Variants in KCNH8 observed in about 807,000 individuals in gnomAD.
The protein encoded by KCNH8 is potassium voltage-gated channel subfamily H member 8.
A neutral mutation model predicts 103.6 loss-of-function variants in KCNH8; 70 were observed. The ratio of observed to expected loss-of-function variants is 0.68; its 90% CI spans 0.56 to 0.82. The LOEUF (loss-of-function observed/expected upper bound fraction) is 0.82. KCNH8 is among the 40% of genes least tolerant of loss of function. KCNH8 has a pLI of 0.00. For synonymous variants in KCNH8, 498 were observed against 489.4 expected (o/e 1.02, Z -0.23); for missense variants, 1,217 against 1,329.9 (o/e 0.92, Z 1.32).
intron 1 of KCNH8, among the ~76,000 whole-genome samples, chr3:19,219,758 C>G (rs1435823747): frequency 6.6e-6 from 1 of 152,094 alleles, no homozygotes; most frequent in Non-Finnish European, 1.5e-5. Context: ...CCAAGCTCTT[C>G]CAGAGATGAG....
intron 5 of KCNH8, among the ~76,000 whole-genome samples, chr3:19,358,375 C>T (rs2065908117): frequency 6.6e-6 from 1 of 150,996 alleles, no homozygotes; most frequent in Non-Finnish European, 1.5e-5. Flanking sequence ...GGAAAGGGTA[C>T]ACAATGAAGA....
intron 5 of KCNH8, among the ~76,000 whole-genome samples, chr3:19,388,889 AC>A (rs2066395224): frequency 6.6e-6 from 1 of 152,140 alleles, no homozygotes; most frequent in Non-Finnish European, 1.5e-5. Flanking sequence ...AGGGCAAGTC[AC>A]TTGACTTCCT....
chr3:19,149,427 TTGA>T (rs538110187), intron 1 of KCNH8, among the ~76,000 whole-genome samples: 241 of 152,198 alleles, frequency 1.6e-3, no homozygotes, highest in Non-Finnish European at 2.9e-3. Flanking sequence ...TAAAGACGAT[TTGA>T]TGATAAGAGA....
intron 11 of KCNH8, among the ~76,000 whole-genome samples, chr3:19,489,736 C>T (rs1370151856): frequency 1.3e-5 from 2 of 152,092 alleles, no homozygotes; most frequent in African/African-American, 4.8e-5. Context: ...CACCACAAAA[C>T]AAAGAACAGG....
chr3:19,207,080 T>G (rs186494023), intron 1 of KCNH8, among the ~76,000 whole-genome samples: 191 of 151,816 alleles, frequency 1.3e-3, no homozygotes, highest in South Asian at 2.3e-3. Flanking sequence ...GATTTGGGTG[T>G]TGTTAGTAAA....
chr3:19,496,012 G>A (rs141665093), intron 11 of KCNH8, among the ~76,000 whole-genome samples: 15 of 152,004 alleles, frequency 9.9e-5, no homozygotes, highest in Admixed American at 3.9e-4. Flanking sequence ...GATATTGTTC[G>A]TATACAGGAA....
intron 1 of KCNH8, among the ~76,000 whole-genome samples, chr3:19,160,989 G>T (rs957130092): frequency 2.0e-5 from 3 of 152,110 alleles, no homozygotes; most frequent in Non-Finnish European, 4.4e-5. Flanking sequence ...AAAAGTGAAA[G>T]TGCTTCCTTT....
chr3:19,358,414 C>G lies in KCNH8; in HGVS notation c.811+10449C>G, dbSNP rs560829837. 2.0e-5 allele frequency among the ~76,000 whole-genome samples: 3 copies of G among 151,740 alleles called. No individual in the cohort carries two copies. In the East Asian group the frequency reaches 5.8e-4, roughly 29 times the overall value. On this transcript the variant is annotated intron_variant, in intron 5 of 15. Transcript: ENST00000328405. Reference sequence around the variant, plus strand: ...TTTCACAAAAAATAAAACTATTGTACCACCCACAGATTCTCACTGAAAGAA... The same window carrying G: ...TTTCACAAAAAATAAAACTATTGTAGCACCCACAGATTCTCACTGAAAGAA...
chr3:19,456,862 G>C lies in KCNH8; in HGVS notation c.1920G>C (p.Gln640His), dbSNP rs2067540898. ...AGGCTTTAACCTACTGTGATCTCCAGTGTATCATCCTCAAAGGACTCTTTG... is the reference window on the plus strand; with the variant it reads ...AGGCTTTAACCTACTGTGATCTCCACTGTATCATCCTCAAAGGACTCTTTG... ...DVKALTYCDL[Q>H]CIILKGLFEV... The change falls in exon 11 of 16, where the codon CAG becomes CAC. Residue 640 changes from glutamine to histidine, a missense_variant. Coordinates refer to ENST00000328405, the MANE Select transcript of KCNH8 (RefSeq NM_144633.3). 1 of 1,612,342 alleles carries C rather than the reference G, an allele frequency of 6.2e-7. No individual in the cohort carries two copies.
intron 11 of KCNH8, among the ~76,000 whole-genome samples, chr3:19,482,065 G>C (rs935374650): frequency 6.6e-6 from 1 of 152,180 alleles, no homozygotes; most frequent in African/African-American, 2.4e-5. Flanking sequence ...ACAACTCTAA[G>C]GGTGTCCATG....
intron 5 of KCNH8, among the ~76,000 whole-genome samples, chr3:19,369,223 T>C (rs903786313): frequency 6.6e-6 from 1 of 152,036 alleles, no homozygotes; most frequent in Non-Finnish European, 1.5e-5. Context: ...CAGTCACTTG[T>C]AGACTGTAGC....
chr3:19,503,628 G>C (rs1413166289), intron 11 of KCNH8, among the ~76,000 whole-genome samples: 1 of 152,058 alleles, frequency 6.6e-6, no homozygotes, highest in East Asian at 1.9e-4. Context: ...GTCCTTTGTA[G>C]GGACATGGAT....
At chr3:19,499,432 A>G (rs896900032) in intron 11 of KCNH8, among the ~76,000 whole-genome samples, 6 of 152,182 alleles carry the variant, frequency 3.9e-5, no homozygotes, top group Admixed American at 1.3e-4. Context: ...TTCAGGAAAT[A>G]CAGAGAACAC....
chr3:19,376,428 A>G (rs1388143152), intron 5 of KCNH8, among the ~76,000 whole-genome samples: 3 of 152,136 alleles, frequency 2.0e-5, no homozygotes, highest in Admixed American at 6.5e-5. Flanking sequence ...GCGCTTCCCG[A>G]GTGAGGCAAT....
intron 11 of KCNH8, among the ~76,000 whole-genome samples, chr3:19,462,094 A>G (rs1002627673): frequency 1.3e-5 from 2 of 152,216 alleles, no homozygotes; most frequent in African/African-American, 4.8e-5. Flanking sequence ...TAGTGCCACA[A>G]TAAACATATG....
At chr3:19,170,515 A>T (rs994270323) in intron 1 of KCNH8, among the ~76,000 whole-genome samples, 1 of 150,476 alleles carries the variant, frequency 6.6e-6, no homozygotes, top group Non-Finnish European at 1.5e-5. Context: ...TCCTCCTTAC[A>T]CAGGCTTAAG....
At chr3:19,231,810 C>T (rs1007363279) in intron 1 of KCNH8, among the ~76,000 whole-genome samples, 1 of 152,198 alleles carries the variant, frequency 6.6e-6, no homozygotes, top group Non-Finnish European at 1.5e-5. Context: ...ATGCTACTCA[C>T]TCTCAGCTTT....
At position 19,268,386 on chromosome 3, in the gene KCNH8, G is replaced by A. The variant is rs137911833; in HGVS notation, c.311-12812G>A. Among the ~76,000 whole-genome samples the A allele has an allele frequency of 9.0e-3, 1,375 of 152,154 alleles. 7 individuals carry two copies. The highest frequency in any genetic ancestry group is 0.016 in the Non-Finnish European group (1,094 of 67,984). ...AAGCATTCTAGTCAAAGAGAGCCAC[G>A]TATGCAAAGTTCCTGGGAGAGACTA... is the stretch of plus-strand genomic sequence containing the variant. On this transcript the variant is annotated intron_variant, in intron 2 of 15. Coordinates refer to ENST00000328405, the MANE Select transcript of KCNH8 (RefSeq NM_144633.3).
At chr3:19,387,963 C>T (rs533720748) in intron 5 of KCNH8, among the ~76,000 whole-genome samples, 1 of 150,972 alleles carries the variant, frequency 6.6e-6, no homozygotes, top group Non-Finnish European at 1.5e-5. Context: ...GTCTGAACCA[C>T]TATTTTGTTC....
Sources: allele counts gnomAD v4.1 joint callset (sites outside exome capture counted in the v4.1 genomes callset), GRCh38; gene constraint gnomAD v4.1.1; transcripts MANE v1.5; gene names NCBI Gene and HGNC (gene_info 2026-07-23, HGNC 2026-07-21).